Variants in MTUS1 observed in about 807,000 individuals in gnomAD.
MTUS1 encodes microtubule-associated tumor suppressor 1.
In MTUS1, 109 loss-of-function variants were observed where a neutral mutation model predicts 120.8. The observed-to-expected ratio is 0.90, with a 90% CI of 0.77 to 1.06. MTUS1 has a LOEUF of 1.06. Ranked by LOEUF, MTUS1 falls within the 50% of genes least tolerant of loss-of-function variation. The probability of loss-of-function intolerance (pLI) is 0.00; values close to 1 mark genes in which losing one functional copy is unlikely to be tolerated. For missense variants in MTUS1, 2,210 were observed against 1,486.3 expected, an observed-to-expected ratio of 1.49 and a Z score of -8.01; for synonymous variants, 737 against 550.5, an observed-to-expected ratio of 1.34 and a Z score of -4.74.
intron 1 of MTUS1, among the ~76,000 whole-genome samples, chr8:17,794,292 C>T (rs1443596481): frequency 1.3e-5 from 2 of 151,922 alleles, no homozygotes; most frequent in Non-Finnish European, 2.9e-5. Flanking sequence ...CACGCCACTG[C>T]ACTCCAGCCT....
chr8:17,730,074 G>A (rs1248194571), intron 3 of MTUS1, among the ~76,000 whole-genome samples: 2 of 151,998 alleles, frequency 1.3e-5, no homozygotes, highest in Admixed American at 6.6e-5. Flanking sequence ...AGGCTAGCGG[G>A]AATGTAACAT....
In MTUS1 at chr8:17,777,723, C is replaced by T. The variant is rs549817864; in HGVS notation, c.-154-21762G>A. ...TTATCACACCCATCCAGTTTTTGTC[C>T]CTATTTGCTTGAATTTTTATGACTT... is the stretch of plus-strand genomic sequence containing the variant. On this transcript the variant is annotated intron_variant, in intron 1 of 14. Transcript: ENST00000693296. 1.9e-4 allele frequency among the ~76,000 whole-genome samples: 29 copies of T among 152,172 alleles called. 1 individual carries two copies. In the South Asian group the frequency reaches 5.6e-3, roughly 29 times the overall value.
rs1563282310 is a variant in MTUS1 at position 17,730,484 on chromosome 8, T to TA, written c.2288-6652_2288-6651insT. On this transcript the variant is annotated intron_variant, in intron 3 of 14. Coordinates refer to ENST00000693296, the MANE Select transcript of MTUS1 (RefSeq NM_001363059.2). ...TGGGCAAGAGAGCAAGACTCTGTCT[T>TA]TAAAAAAAAAAAAAAAAAAAAAGTG... Among the ~76,000 whole-genome samples the TA allele has an allele frequency of 1.8e-3, 146 of 81,558 alleles. 1 individual carries two copies. The highest frequency in any genetic ancestry group is 5.2e-3 in the Middle Eastern group (1 of 192). The allele number at this position is 81,558 out of a possible 152,430, so 53.5% of individuals were successfully genotyped here.
chr8:17,687,194 A>C (rs41359647), intron 6 of MTUS1, among the ~76,000 whole-genome samples: 1 of 152,156 alleles, frequency 6.6e-6, no homozygotes, highest in Admixed American at 6.5e-5. Flanking sequence ...GTGGCGCTGG[A>C]AACTCGTGCT....
intron 3 of MTUS1, among the ~76,000 whole-genome samples, chr8:17,735,559 G>A (rs527436630): frequency 5.6e-4 from 86 of 152,232 alleles, no homozygotes; most frequent in African/African-American, 1.9e-3. Context: ...CCAAGCACAT[G>A]GTATCCTTTG....
At chr8:17,663,504 A>C (rs989764580) in intron 8 of MTUS1, among the ~76,000 whole-genome samples, 13 of 152,230 alleles carry the variant, frequency 8.5e-5, no homozygotes, top group Non-Finnish European at 2.9e-5. Flanking sequence ...GATAGAGCCA[A>C]AATTACTTGG....
rs560234734 is a variant in MTUS1, at chr8:17,751,641, T to C, written c.2091+2076A>G. Among the ~76,000 whole-genome samples, 47 of 152,054 alleles carry C rather than the reference T, an allele frequency of 3.1e-4. 2 individuals are homozygous for C. The highest frequency in any genetic ancestry group is 1.1e-3 in the African/African-American group (45 of 41,486). The stretch of plus-strand genomic sequence containing the variant: ...TTGGGAGGCCGAGGCAGGTGGATCA[T>C]GAGGTCAAGAGATCAAGACCATCCT... On this transcript the variant is annotated intron_variant, in intron 2 of 14. Transcript: ENST00000693296.
Position 17,644,618 on chromosome 8 carries a change from T to C in MTUS1, c.*1308A>G, listed in dbSNP as rs555154527. 6.6e-6 allele frequency: 1 copy of C among 152,328 alleles called. No individual in the cohort carries two copies. The highest frequency in any genetic ancestry group is 1.9e-4 in the East Asian group (1 of 5,182). 9.4% of individuals were successfully genotyped at this position (152,328 alleles called of 1,614,324 possible). ...GCTACTTTCCCAAAGACAAAGGGAC[T>C]CCTTAAAGGGTAACTGAAAAATGAG... On this transcript the variant is annotated 3_prime_UTR_variant, in exon 15 of 15. Coordinates refer to ENST00000693296, the MANE Select transcript of MTUS1 (RefSeq NM_001363059.2).
rs182062937 is a variant in MTUS1 at position 17,729,951 on chromosome 8, G to C, written c.2288-6118C>G. 3.5e-3 allele frequency among the ~76,000 whole-genome samples: 491 copies of C among 140,744 alleles called. 2 individuals carry two copies. Among genetic ancestry groups the C allele is most frequent in the African/African-American group, 0.013 (473 of 37,732 alleles). 92.3% of individuals were successfully genotyped at this position (140,744 alleles called of 152,430 possible). On this transcript the variant is annotated intron_variant, in intron 3 of 14. Coordinates refer to ENST00000693296, the MANE Select transcript of MTUS1 (RefSeq NM_001363059.2). ...GGAAATGCAAATCACAATCGCGCGAGATACCACTTTGTACCTAATGGGATG... is the reference window on the plus strand; with the variant it reads ...GGAAATGCAAATCACAATCGCGCGACATACCACTTTGTACCTAATGGGATG...
intron 6 of MTUS1, among the ~76,000 whole-genome samples, chr8:17,712,942 C>T (rs983693272): frequency 6.6e-6 from 1 of 152,100 alleles, no homozygotes; most frequent in Non-Finnish European, 1.5e-5. Context: ...GGGGGAAGTA[C>T]ATTTTCCATT....
chr8:17,644,241 G>A lies in MTUS1; in HGVS notation c.*1685C>T, dbSNP rs1008907542. 9.8e-5 allele frequency: 15 copies of A among 152,570 alleles called. No individual in the cohort carries two copies. Among genetic ancestry groups the A allele is most frequent in the Admixed American group, 9.2e-4 (14 of 15,274 alleles). The allele number at this position is 152,570 out of a possible 1,614,324, so 9.5% of individuals were successfully genotyped here. On this transcript the variant is annotated 3_prime_UTR_variant, in exon 15 of 15. Transcript: ENST00000693296. ...AGGTTACATACATGATGAAGTATTG[G>A]AAGTTAAAGACTTAAGACACAAAAT...
Position 17,656,056 on chromosome 8 carries a change from G to A in MTUS1, c.2915C>T (p.Ser972Leu). 2 of 1,614,122 alleles carry A rather than the reference G, an allele frequency of 1.2e-6. No individual in the cohort carries two copies. The highest frequency in any genetic ancestry group is 1.7e-6 in the Non-Finnish European group (2 of 1,179,966). Residue 972 changes from serine (S) to leucine (L), a missense_variant, in exon 9 of 15, where the codon TCA (serine) becomes TTA (leucine). Transcript: ENST00000693296. Reference protein sequence around the residue: ...VNLRGELVTASTTCEKLEKAR... With the variant: ...VNLRGELVTALTTCEKLEKAR... ...TTTTTCTAATTTCTCACAGGTGGTT[G>A]AAGCAGTGACTGAAAACAGAGGAGA...
chr8:17,657,306 C>A (rs1041054706), intron 8 of MTUS1, among the ~76,000 whole-genome samples: 14 of 151,732 alleles, frequency 9.2e-5, no homozygotes, highest in South Asian at 2.1e-4. Flanking sequence ...CGGTGGCTCA[C>A]GCCTGTAATC....
chr8:17,709,939 A>G (rs1051324751), intron 6 of MTUS1, among the ~76,000 whole-genome samples: 28 of 151,936 alleles, frequency 1.8e-4, no homozygotes, highest in Non-Finnish European at 2.4e-4. Context: ...CCCGGGAGGC[A>G]GAGCTTGCAG....
rs546317835 is a variant in MTUS1, at chr8:17,738,047, G to C, written c.2287+5557C>G. 9.8e-5 allele frequency among the ~76,000 whole-genome samples: 15 copies of C among 152,310 alleles called. No homozygotes were observed. In the East Asian group the frequency reaches 2.1e-3, roughly 22 times the overall value. ...AAAGAAGAGAAACCTGCGATGACAG[G>C]CAAGTCACTGCAAGTTTCGGACGGA... On this transcript the variant is annotated intron_variant, in intron 3 of 14. Transcript: ENST00000693296.
At chr8:17,690,344 C>G (rs1002866378) in intron 6 of MTUS1, among the ~76,000 whole-genome samples, 1 of 152,100 alleles carries the variant, frequency 6.6e-6, no homozygotes, top group Non-Finnish European at 1.5e-5. Context: ...ATACCATTTC[C>G]TATCAGCCAG....
chr8:17,748,752 T>C (rs1563315362), intron 2 of MTUS1, among the ~76,000 whole-genome samples: 1 of 152,140 alleles, frequency 6.6e-6, no homozygotes, highest in East Asian at 1.9e-4. Flanking sequence ...GGCACCCCCA[T>C]CGCAAGTTTT....
At chr8:17,700,690 A>T (rs950695184) in intron 6 of MTUS1, among the ~76,000 whole-genome samples, 6 of 150,240 alleles carry the variant, frequency 4.0e-5, no homozygotes, top group African/African-American at 1.5e-4. Context: ...TATTTTCCTA[A>T]TTTTTTTTTT....
At chr8:17,771,054 A>G (rs2049986581) in intron 1 of MTUS1, among the ~76,000 whole-genome samples, 1 of 152,238 alleles carries the variant, frequency 6.6e-6, no homozygotes, top group Admixed American at 6.5e-5. Flanking sequence ...TTTAGATGTA[A>G]GGAATAACCT....
Sources: allele counts gnomAD v4.1 joint callset (sites outside exome capture counted in the v4.1 genomes callset), GRCh38; gene constraint gnomAD v4.1.1; transcripts MANE v1.5; gene names NCBI Gene and HGNC (gene_info 2026-07-23, HGNC 2026-07-21).